The following GRIA4 variants were observed in gnomAD, a reference collection of about 807,000 sequenced individuals.
The protein encoded by GRIA4 is glutamate receptor 4.
GRIA4 carries 34 observed loss-of-function variants against 104.0 expected under a neutral mutation model. That is an observed-to-expected ratio of 0.33 (90% CI 0.25 to 0.44). The LOEUF is 0.44. Ranked by LOEUF, GRIA4 falls within the 20% of genes least tolerant of loss-of-function variation. The pLI, the probability that GRIA4 is intolerant of heterozygous loss-of-function variation, is 1.00. For synonymous variants in GRIA4, 386 were observed against 381.9 expected (o/e 1.01, Z -0.13); for missense variants, 750 against 1,096.5 (o/e 0.68, Z 4.46).
chr11:105,756,295 T>C (rs1485244390), intron 4 of GRIA4, among the ~76,000 whole-genome samples: 2 of 152,104 alleles, frequency 1.3e-5, no homozygotes, highest in Admixed American at 6.6e-5. Context: ...GTTAACTGTA[T>C]ACCTGTCAAG....
intron 3 of GRIA4, among the ~76,000 whole-genome samples, chr11:105,636,697 G>A (rs1951212746): frequency 1.3e-5 from 2 of 152,066 alleles, no homozygotes; most frequent in African/African-American, 4.8e-5. Flanking sequence ...GTTAACATAT[G>A]CTTTGGAAAA....
At chr11:105,912,488 A>G (rs1947282455) in intron 10 of GRIA4, 2 of 835,662 alleles carry the variant, frequency 2.4e-6, no homozygotes, top group Non-Finnish European at 2.9e-6. Flanking sequence ...AAAAAAAAAA[A>G]GACTAAAAAT....
intron 6 of GRIA4, among the ~76,000 whole-genome samples, chr11:105,888,444 C>T (rs1946353346): frequency 6.6e-6 from 1 of 151,132 alleles, no homozygotes; most frequent in Admixed American, 6.6e-5. Flanking sequence ...CCACTACGCC[C>T]GGCTAATTTT....
At chr11:105,900,073 A>G (rs1307067734) in intron 7 of GRIA4, among the ~76,000 whole-genome samples, 1 of 152,178 alleles carries the variant, frequency 6.6e-6, no homozygotes, top group Non-Finnish European at 1.5e-5. Context: ...TTCCTTGTTC[A>G]GCCACAGCTG....
At chr11:105,886,668 C>T (rs1174324868) in intron 5 of GRIA4, among the ~76,000 whole-genome samples, 2 of 152,030 alleles carry the variant, frequency 1.3e-5, no homozygotes, top group South Asian at 2.1e-4. Flanking sequence ...TGACAATGAA[C>T]GTACCTGAAA....
chr11:105,850,907 G>A (rs958174185), intron 4 of GRIA4, among the ~76,000 whole-genome samples: 1 of 152,118 alleles, frequency 6.6e-6, no homozygotes, highest in Non-Finnish European at 1.5e-5. Flanking sequence ...AACCCAAACT[G>A]AATGGAATTA....
chr11:105,934,128 AT>A (rs1947962360), intron 14 of GRIA4, among the ~76,000 whole-genome samples, 159 bp downstream of exon 14: 2 of 151,922 alleles, frequency 1.3e-5, no homozygotes, highest in Middle Eastern at 3.4e-3. Context: ...CAATCAGGTA[AT>A]TTTTTTTAAT....
chr11:105,634,387 AGAAGGAAGGAAGGAAGGAGAAAG>A (rs1951125161), intron 3 of GRIA4, among the ~76,000 whole-genome samples: 1 of 148,696 alleles, frequency 6.7e-6, no homozygotes, highest in African/African-American at 2.5e-5. Flanking sequence ...AAAGAAGGAA[AGAAGGAAGGAAGGAAGGAGAAAG>A]GAAGGAAGGA....
chr11:105,648,664 C>T (rs181796540), intron 3 of GRIA4, among the ~76,000 whole-genome samples: 8 of 151,874 alleles, frequency 5.3e-5, no homozygotes, highest in Middle Eastern at 3.4e-3. Flanking sequence ...AAAGAGAAAT[C>T]GAGAGAGGCT....
intron 3 of GRIA4, among the ~76,000 whole-genome samples, chr11:105,625,282 T>C (rs1187228837): frequency 6.6e-6 from 1 of 152,082 alleles, no homozygotes; most frequent in Non-Finnish European, 1.5e-5. Context: ...TACTCATATG[T>C]TTGCAGACTG....
chr11:105,610,970 G>C lies in GRIA4; in HGVS notation c.-28G>C. 1 of 1,453,210 alleles carries C rather than the reference G, an allele frequency of 6.9e-7. No homozygotes were observed. The highest frequency in any genetic ancestry group is 9.7e-7 in the Non-Finnish European group (1 of 1,035,316). The allele number at this position is 1,453,210 out of a possible 1,614,324, so 90.0% of individuals were successfully genotyped here. On this transcript the variant is annotated 5_prime_UTR_variant, in exon 2 of 17. Transcript: ENST00000282499. ...GAAGAGTGCGAGAGAAAGAGAGAGA[G>C]CGCGCGCCAGGGAGAGGAGAAAAGA...
chr11:105,648,035 T>C (rs1005379960), intron 3 of GRIA4, among the ~76,000 whole-genome samples: 8 of 151,786 alleles, frequency 5.3e-5, no homozygotes, highest in African/African-American at 1.9e-4. Context: ...TGGAACCAGG[T>C]TTAATTCTGG....
Position 105,864,058 on chromosome 11 carries a change from GTAA to G in GRIA4, c.672+1865_672+1867del, listed in dbSNP as rs571111152. Among the ~76,000 whole-genome samples the G allele has an allele frequency of 3.4e-3, 516 of 151,718 alleles. 4 individuals are homozygous for G. The highest frequency in any genetic ancestry group is 0.012 in the African/African-American group (501 of 41,416). Reference sequence around the variant, plus strand: ...GTTTCTTTTCTATCATGGTTGCATGGTAATAATAATAATAATAGTAAGAGAACT... The same window carrying G: ...GTTTCTTTTCTATCATGGTTGCATGGTAATAATAATAATAGTAAGAGAACT... On this transcript the variant is annotated intron_variant, in intron 5 of 16. Coordinates refer to ENST00000282499, the MANE Select transcript of GRIA4 (RefSeq NM_000829.4).
chr11:105,848,454 T>C (rs1944674260), intron 4 of GRIA4, among the ~76,000 whole-genome samples: 1 of 152,186 alleles, frequency 6.6e-6, no homozygotes, highest in East Asian at 1.9e-4. Flanking sequence ...AACATACACT[T>C]TTTCTGTCCC....
intron 4 of GRIA4, among the ~76,000 whole-genome samples, chr11:105,791,754 G>A (rs547313176): frequency 1.2e-4 from 19 of 152,298 alleles, no homozygotes; most frequent in Middle Eastern, 3.4e-3. Context: ...GCACCTGAGT[G>A]TCCAAAGCAC....
intron 3 of GRIA4, among the ~76,000 whole-genome samples, chr11:105,669,679 G>C (rs1952297519): frequency 6.6e-6 from 1 of 152,080 alleles, no homozygotes; most frequent in South Asian, 2.1e-4. Flanking sequence ...TTACACATAT[G>C]TATAAATTCT....
intron 3 of GRIA4, among the ~76,000 whole-genome samples, chr11:105,614,836 A>T (rs1280531024): frequency 6.6e-6 from 1 of 151,998 alleles, no homozygotes; most frequent in East Asian, 1.9e-4. Context: ...GACCGAGAGC[A>T]TACAGACTCG....
intron 13 of GRIA4, among the ~76,000 whole-genome samples, chr11:105,933,320 T>TA (rs1408455401): frequency 6.6e-6 from 1 of 152,164 alleles, no homozygotes; most frequent in Non-Finnish European, 1.5e-5. Context: ...AAAGGAATTT[T>TA]ACAAACTTGA....
chr11:105,946,521 C>T (rs562274183), intron 14 of GRIA4, among the ~76,000 whole-genome samples: 1 of 151,892 alleles, frequency 6.6e-6, no homozygotes, highest in Non-Finnish European at 1.5e-5. Flanking sequence ...GGGAGGTAGA[C>T]GTTTCACTGA....
Sources: gnomAD v4.1 joint callset for allele counts (sites outside exome capture counted in the v4.1 genomes callset) on GRCh38, gnomAD v4.1.1 for gene constraint, MANE v1.5 for transcripts, NCBI Gene and HGNC (gene_info 2026-07-23, HGNC 2026-07-21) for gene names.